Variants in SCD5 observed in about 807,000 individuals in gnomAD.
SCD5 encodes acyl-CoA-desaturase 4.
In SCD5, 20 loss-of-function variants were observed where a neutral mutation model predicts 30.4. That is an observed-to-expected ratio of 0.66 (90% confidence interval 0.46 to 0.96). The LOEUF (loss-of-function observed/expected upper bound fraction) is 0.96. Among genes scored for constraint, SCD5 ranks in the 40% least tolerant of loss-of-function variants. SCD5 has a pLI of 0.00. For missense variants in SCD5, 381 were observed against 443.3 expected (o/e 0.86, Z 1.26); for synonymous variants, 173 against 176.4 (o/e 0.98, Z 0.16).
chr4:82,736,635 A>G (rs988438663), intron 1 of SCD5, among the ~76,000 whole-genome samples: 5 of 151,944 alleles, frequency 3.3e-5, no homozygotes, highest in Admixed American at 3.3e-4. Context: ...TCTTAATAGT[A>G]ATATTATATT....
intron 3 of SCD5, among the ~76,000 whole-genome samples, chr4:82,646,909 G>A (rs991151097): frequency 2.0e-5 from 3 of 151,868 alleles, no homozygotes; most frequent in East Asian, 1.9e-4. Flanking sequence ...TGCAACCTCC[G>A]CTTCCTGGGT....
chr4:82,640,618 C>T (rs149471095), intron 3 of SCD5, among the ~76,000 whole-genome samples: 6 of 152,300 alleles, frequency 3.9e-5, no homozygotes, highest in Admixed American at 6.5e-5. Flanking sequence ...TATCTCAAGC[C>T]GACTTAGCAA....
chr4:82,754,464 A>AG (rs34457290), intron 1 of SCD5, among the ~76,000 whole-genome samples: 65,294 of 151,564 alleles, frequency 0.43, 15,456 homozygotes, highest in East Asian at 0.89. Context: ...CTGCCACAGG[A>AG]GGGGTCTGGG....
chr4:82,783,992 AT>A (rs1478517914), intron 1 of SCD5, among the ~76,000 whole-genome samples: 2 of 151,940 alleles, frequency 1.3e-5, no homozygotes, highest in African/African-American at 4.9e-5. Context: ...TCAGAAAAAA[AT>A]ATATAGATTC....
intron 3 of SCD5, among the ~76,000 whole-genome samples, chr4:82,658,122 C>T (rs13108991): frequency 3.5e-3 from 539 of 152,324 alleles, no homozygotes; most frequent in Non-Finnish European, 5.5e-3. Context: ...GCCAGAACTT[C>T]CAATACTACA....
At chr4:82,716,798 A>C (rs907195700) in intron 1 of SCD5, among the ~76,000 whole-genome samples, 3 of 151,862 alleles carry the variant, frequency 2.0e-5, no homozygotes, top group Non-Finnish European at 4.4e-5. Context: ...TGGGCAACAG[A>C]GCTAGACTCA....
chr4:82,762,174 A>AAGAAG (rs1178746378), intron 1 of SCD5, among the ~76,000 whole-genome samples: 1 of 132,186 alleles, frequency 7.6e-6, no homozygotes, highest in African/African-American at 2.8e-5. Context: ...CCTGTCTCAA[A>AAGAAG]AGAAGAGGAG....
intron 3 of SCD5, among the ~76,000 whole-genome samples, chr4:82,667,205 A>G (rs2148818259): frequency 6.6e-6 from 1 of 152,298 alleles, no homozygotes; most frequent in South Asian, 2.1e-4. Flanking sequence ...TTTCTTGCAC[A>G]TAGAAATGGG....
intron 2 of SCD5, among the ~76,000 whole-genome samples, chr4:82,703,086 G>A (rs895880233): frequency 5.3e-5 from 8 of 152,198 alleles, no homozygotes; most frequent in African/African-American, 1.9e-4. Flanking sequence ...AAAGCTCCAT[G>A]AAGGCGAAGC....
chr4:82,660,699 C>G, intron 3 of SCD5: 20 of 1,429,116 alleles, frequency 1.4e-5, no homozygotes, highest in Non-Finnish European at 1.8e-5. Flanking sequence ...CATATTTTAC[C>G]TCCCCGTAGC....
intron 1 of SCD5, chr4:82,775,517 C>T (rs1721726100): frequency 6.6e-6 from 1 of 152,198 alleles, no homozygotes; most frequent in Non-Finnish European, 1.5e-5. Context: ...CCACGTGCAA[C>T]CTATTTGCTG....
intron 1 of SCD5, among the ~76,000 whole-genome samples, chr4:82,792,968 C>T (rs151270138): frequency 1.0e-3 from 157 of 152,254 alleles, no homozygotes; most frequent in African/African-American, 3.7e-3. Context: ...TAATGTTAAC[C>T]TCAATCTATG....
chr4:82,687,687 C>T (rs918541586), intron 2 of SCD5, among the ~76,000 whole-genome samples: 1 of 152,152 alleles, frequency 6.6e-6, no homozygotes, highest in Non-Finnish European at 1.5e-5. Flanking sequence ...GTGGGGTCTC[C>T]ACTGAAACTG....
At chr4:82,670,668 G>A (rs1387461038) in intron 3 of SCD5, among the ~76,000 whole-genome samples, 3 of 150,036 alleles carry the variant, frequency 2.0e-5, no homozygotes, top group Non-Finnish European at 3.0e-5. Flanking sequence ...CAATTGATAT[G>A]GCAAATATCA....
chr4:82,663,661 C>T lies in SCD5; in HGVS notation c.569+17046G>A, dbSNP rs531636764. 7.0e-4 allele frequency among the ~76,000 whole-genome samples: 106 copies of T among 152,314 alleles called. 1 individual carries two copies. Among genetic ancestry groups the T allele is most frequent in the African/African-American group, 2.5e-3 (103 of 41,566 alleles). On this transcript the variant is annotated intron_variant, in intron 3 of 4. Coordinates refer to ENST00000319540, the MANE Select transcript of SCD5 (RefSeq NM_001037582.3). Reference sequence around the variant, plus strand: ...ACCGTTCCAATAATGGAACACTAGGCATAAATGTGTTTAAGCTGCTGGAGG... The same window carrying T: ...ACCGTTCCAATAATGGAACACTAGGTATAAATGTGTTTAAGCTGCTGGAGG...
chr4:82,706,826 C>T (rs927618622), intron 1 of SCD5, among the ~76,000 whole-genome samples: 1 of 152,246 alleles, frequency 6.6e-6, no homozygotes, highest in African/African-American at 2.4e-5. Flanking sequence ...GGAGCCTGCA[C>T]AGTGTGTCCT....
chr4:82,743,696 T>C (rs116506111), intron 1 of SCD5, among the ~76,000 whole-genome samples: 1,548 of 148,194 alleles, frequency 0.01, 24 homozygotes, highest in African/African-American at 0.037. Flanking sequence ...TAATTTTTAA[T>C]TTTTATGTAG....
At chr4:82,670,801 TC>T (rs1728304330) in intron 3 of SCD5, among the ~76,000 whole-genome samples, 1 of 151,836 alleles carries the variant, frequency 6.6e-6, no homozygotes, top group African/African-American at 2.4e-5. Flanking sequence ...AAATATCAAT[TC>T]CATATCAATT....
chr4:82,774,325 G>A (rs1309004509), intron 1 of SCD5, among the ~76,000 whole-genome samples: 2 of 151,910 alleles, frequency 1.3e-5, no homozygotes, highest in Non-Finnish European at 2.9e-5. Context: ...CCACATCTAT[G>A]GACATGAAAA....
Sources: allele counts gnomAD v4.1 joint callset (sites outside exome capture counted in the v4.1 genomes callset), GRCh38; gene constraint gnomAD v4.1.1; transcripts MANE v1.5; gene names NCBI Gene and HGNC (gene_info 2026-07-23, HGNC 2026-07-21).